Variants in STRBP observed in about 807,000 individuals in gnomAD.
STRBP encodes spermatid perinuclear RNA binding protein, also known as spermatid perinuclear RNA-binding protein.
STRBP carries 13 observed loss-of-function variants against 80.1 expected under a neutral mutation model. The ratio of observed to expected loss-of-function variants is 0.16; its 90% CI spans 0.11 to 0.26. The LOEUF (loss-of-function observed/expected upper bound fraction) is 0.26. Among genes scored for constraint, STRBP ranks in the 10% least tolerant of loss-of-function variants. The pLI is 1.00. For missense variants in STRBP, 485 were observed against 815.2 expected (o/e 0.59, Z 4.93); for synonymous variants, 284 against 291.2 (o/e 0.98, Z 0.25).
intron 3 of STRBP, among the ~76,000 whole-genome samples, chr9:123,183,032 A>ACC (rs200497524): frequency 3.5e-5 from 5 of 144,410 alleles, no homozygotes; most frequent in Admixed American, 6.9e-5. Context: ...AAAAAAAAAA[A>ACC]AAAAAACAAA....
At chr9:123,237,447 A>G (rs1425205099) in intron 1 of STRBP, among the ~76,000 whole-genome samples, 2 of 152,030 alleles carry the variant, frequency 1.3e-5, no homozygotes, top group Non-Finnish European at 2.9e-5. Flanking sequence ...CCAATTCCCA[A>G]TCCCCTGCAG....
At chr9:123,214,095 C>T (rs1282474220) in intron 2 of STRBP, among the ~76,000 whole-genome samples, 3 of 151,328 alleles carry the variant, frequency 2.0e-5, no homozygotes, top group African/African-American at 7.3e-5. Flanking sequence ...AGCCCAAATG[C>T]CCATCAATCA....
intron 1 of STRBP, among the ~76,000 whole-genome samples, chr9:123,257,430 A>G (rs2041057494): frequency 1.3e-5 from 2 of 152,002 alleles, no homozygotes; most frequent in Admixed American, 1.3e-4. Context: ...ACACACACAC[A>G]CACACACAGA....
At chr9:123,248,261 GTTTTTTTT>G (rs1223848724) in intron 1 of STRBP, among the ~76,000 whole-genome samples, 2 of 75,414 alleles carry the variant, frequency 2.7e-5, no homozygotes, top group African/African-American at 1.1e-4. Flanking sequence ...CCCCTATCGT[GTTTTTTTT>G]TTTTTTTTTT....
At chr9:123,210,316 A>G (rs1447878350) in intron 2 of STRBP, among the ~76,000 whole-genome samples, 1 of 152,148 alleles carries the variant, frequency 6.6e-6, no homozygotes, top group Non-Finnish European at 1.5e-5. Flanking sequence ...AACACCCTAA[A>G]GATGGTAAAA....
chr9:123,240,329 G>A (rs2040667043), intron 1 of STRBP, among the ~76,000 whole-genome samples: 1 of 151,918 alleles, frequency 6.6e-6, no homozygotes, highest in Admixed American at 6.6e-5. Flanking sequence ...GTTATTGTCT[G>A]CCCACCACAC....
chr9:123,229,206 A>C (rs1023057183), intron 2 of STRBP, among the ~76,000 whole-genome samples: 1 of 152,202 alleles, frequency 6.6e-6, no homozygotes, highest in African/African-American at 2.4e-5. Context: ...AGTGGCCACT[A>C]AGGGGTACAG....
At chr9:123,258,524 C>A (rs937141793) in intron 1 of STRBP, among the ~76,000 whole-genome samples, 21 of 152,174 alleles carry the variant, frequency 1.4e-4, no homozygotes, top group Non-Finnish European at 2.4e-4. Context: ...TGCAAGAAGG[C>A]CAGGCGTGGT....
At chr9:123,196,050 G>T (rs949656777) in intron 2 of STRBP, among the ~76,000 whole-genome samples, 1 of 152,094 alleles carries the variant, frequency 6.6e-6, no homozygotes, top group African/African-American at 2.4e-5. Flanking sequence ...ACATAATAGA[G>T]AACCCAGAAG....
rs148843506 is a variant in STRBP, at chr9:123,152,819, G to A, written c.1046-4949C>T. ...AGTTCTGTATGTTGATTGTGGAGGTGGCTACAGAAATCTACACACGTAATA... is the reference window on the plus strand; with the variant it reads ...AGTTCTGTATGTTGATTGTGGAGGTAGCTACAGAAATCTACACACGTAATA... On this transcript the variant is annotated intron_variant, in intron 11 of 18. Coordinates refer to ENST00000348403, the MANE Select transcript of STRBP (RefSeq NM_018387.5). Among the ~76,000 whole-genome samples the A allele has an allele frequency of 6.9e-4, 105 of 152,118 alleles. No individual in the cohort carries two copies. The East Asian group carries it at 0.018, about 26-fold the overall frequency.
At chr9:123,211,833 C>G (rs1281855267) in intron 2 of STRBP, among the ~76,000 whole-genome samples, 1 of 152,076 alleles carries the variant, frequency 6.6e-6, no homozygotes, top group Non-Finnish European at 1.5e-5. Context: ...CATGGTATAT[C>G]CAATATAACA....
At chr9:123,238,272 A>C (rs561300814) in intron 1 of STRBP, among the ~76,000 whole-genome samples, 15 of 152,278 alleles carry the variant, frequency 9.9e-5, no homozygotes. Flanking sequence ...ACATAGCAAG[A>C]CTCCCATTTC....
downstream of STRBP, among the ~76,000 whole-genome samples, chr9:123,120,381 A>G (rs1008167556): frequency 8.6e-5 from 13 of 151,434 alleles, no homozygotes; most frequent in Middle Eastern, 3.4e-3. Context: ...ATGAATGGGA[A>G]TTAGGGGAAG....
chr9:123,154,819 GA>G (rs1324168855), intron 11 of STRBP, among the ~76,000 whole-genome samples: 3 of 152,206 alleles, frequency 2.0e-5, no homozygotes, highest in East Asian at 1.9e-4. Flanking sequence ...GGAGAAAAGA[GA>G]AAAGGGCTGC....
intron 2 of STRBP, among the ~76,000 whole-genome samples, chr9:123,218,749 T>A (rs145979838): frequency 1.3e-5 from 2 of 152,314 alleles, no homozygotes; most frequent in East Asian, 3.9e-4. Flanking sequence ...TTATCCCATA[T>A]ATATTCTATT....
At chr9:123,264,229 C>A (rs574619107) in intron 1 of STRBP, among the ~76,000 whole-genome samples, 22 of 152,228 alleles carry the variant, frequency 1.4e-4, no homozygotes, top group Non-Finnish European at 2.5e-4. Flanking sequence ...GCCTCTGTCT[C>A]TGGAAATTCC....
At chr9:123,191,284 G>A (rs1053126900) in intron 2 of STRBP, among the ~76,000 whole-genome samples, 1 of 152,108 alleles carries the variant, frequency 6.6e-6, no homozygotes, top group African/African-American at 2.4e-5. Flanking sequence ...TAACAGCCAT[G>A]CAGATGTCTA....
intron 6 of STRBP, chr9:123,168,351 T>A (rs1170817126): frequency 4.4e-6 from 1 of 225,480 alleles, no homozygotes; most frequent in Non-Finnish European, 7.4e-6. Context: ...AGGCATAAGC[T>A]CAATTATAGA....
intron 2 of STRBP, among the ~76,000 whole-genome samples, chr9:123,212,352 G>C (rs926453913): frequency 1.3e-5 from 2 of 152,172 alleles, no homozygotes; most frequent in South Asian, 4.1e-4. Context: ...TTTGTCGAAT[G>C]ATTTTCATAT....
Sources: allele counts gnomAD v4.1 joint callset (sites outside exome capture counted in the v4.1 genomes callset), GRCh38; gene constraint gnomAD v4.1.1; transcripts MANE v1.5; gene names NCBI Gene and HGNC (gene_info 2026-07-23, HGNC 2026-07-21).